The following F13A1 variants were observed in gnomAD, a reference collection of about 807,000 sequenced individuals.
F13A1 encodes the protein coagulation factor XIII A chain.
F13A1 carries 47 observed loss-of-function variants against 80.1 expected under a neutral mutation model. The observed-to-expected ratio is 0.59, with a 90% CI of 0.46 to 0.75. The LOEUF is 0.75. Among genes scored for constraint, F13A1 ranks in the 30% least tolerant of loss-of-function variants. The pLI, the probability that F13A1 is intolerant of heterozygous loss-of-function variation, is 0.00. For synonymous variants in F13A1, 349 were observed against 344.9 expected (o/e 1.01, Z -0.13); for missense variants, 817 against 930.4 (o/e 0.88, Z 1.59).
At position 6,182,065 on chromosome 6, in the gene F13A1, A is replaced by T; in HGVS notation, c.1382T>A (p.Ile461Asn). 1.2e-6 allele frequency: 2 copies of T among 1,614,162 alleles called. No individual in the cohort carries two copies. The highest frequency in any genetic ancestry group is 1.7e-6 in the Non-Finnish European group (2 of 1,180,006). ...TTGTTTGGTCACAATTAATTTCCCA[A>T]TGTGGGTGGCATCCACATTTTCCAC... ...HVVENVDATH[I>N]GKLIVTKQIG... Residue 461 changes from isoleucine to asparagine, a missense_variant, in exon 11 of 15, where the codon ATT (isoleucine) becomes AAT (asparagine). By Grantham distance (149) the Ile-to-Asn change is moderately radical. Transcript: ENST00000264870.
intron 6 of F13A1, among the ~76,000 whole-genome samples, chr6:6,242,625 T>A (rs1369337544): frequency 6.6e-6 from 1 of 152,204 alleles, no homozygotes; most frequent in Non-Finnish European, 1.5e-5. Context: ...ACTGTAAATG[T>A]TGAGATCCTA....
At chr6:6,219,786 C>G (rs1757164767) in intron 8 of F13A1, among the ~76,000 whole-genome samples, 1 of 152,188 alleles carries the variant, frequency 6.6e-6, no homozygotes, top group South Asian at 2.1e-4. Flanking sequence ...CCCAAAGTAA[C>G]AGAAATAGCA....
intron 3 of F13A1, among the ~76,000 whole-genome samples, chr6:6,276,446 G>A (rs1020274469): frequency 1.3e-5 from 2 of 152,168 alleles, no homozygotes; most frequent in African/African-American, 4.8e-5. Context: ...TCACCATGTC[G>A]TTTGTTTGGC....
intron 3 of F13A1, among the ~76,000 whole-genome samples, chr6:6,302,560 C>A (rs1240133136): frequency 2.0e-5 from 3 of 152,080 alleles, no homozygotes; most frequent in African/African-American, 7.2e-5. Flanking sequence ...AAATGGTACA[C>A]CTGCATAGGA....
At chr6:6,265,141 A>G (rs1400616661) in intron 4 of F13A1, among the ~76,000 whole-genome samples, 1 of 152,246 alleles carries the variant, frequency 6.6e-6, no homozygotes, top group Non-Finnish European at 1.5e-5. Flanking sequence ...AAAGATCAGT[A>G]GGACCAAGGT....
chr6:6,273,615 CATG>C (rs1449064994), intron 3 of F13A1, among the ~76,000 whole-genome samples: 1 of 152,188 alleles, frequency 6.6e-6, no homozygotes, highest in Admixed American at 6.5e-5. Context: ...AGGTAAATTT[CATG>C]ATGTTAATTC....
chr6:6,206,135 C>A (rs1761484804), intron 8 of F13A1, among the ~76,000 whole-genome samples: 1 of 152,254 alleles, frequency 6.6e-6, no homozygotes, highest in South Asian at 2.1e-4. Flanking sequence ...AGAATTCCAA[C>A]CAATAGACCC....
intron 10 of F13A1, among the ~76,000 whole-genome samples, chr6:6,182,754 G>A (rs1042763273): frequency 4.6e-5 from 7 of 152,068 alleles, no homozygotes; most frequent in Non-Finnish European, 7.4e-5. Context: ...GGGGATTTGG[G>A]GGCCTTAATG....
At chr6:6,262,809 C>T (rs1306681128) in intron 4 of F13A1, among the ~76,000 whole-genome samples, 2 of 152,132 alleles carry the variant, frequency 1.3e-5, no homozygotes, top group Non-Finnish European at 2.9e-5. Flanking sequence ...ACTCCTGTCT[C>T]TGGAGAGAGT....
intron 13 of F13A1, among the ~76,000 whole-genome samples, chr6:6,152,507 G>A (rs1404092922): frequency 6.6e-6 from 1 of 152,152 alleles, no homozygotes; most frequent in Admixed American, 6.5e-5. Flanking sequence ...CCAGAGTCCA[G>A]GAAAATAAAA....
At chr6:6,231,799 A>G (rs13218029) in intron 6 of F13A1, among the ~76,000 whole-genome samples, 49,317 of 152,066 alleles carry the variant, frequency 0.32, 9,216 homozygotes, top group Non-Finnish European at 0.4. Context: ...AACAATTATC[A>G]GCCAAGAATT....
At chr6:6,226,401 C>T (rs1757276385) in intron 6 of F13A1, among the ~76,000 whole-genome samples, 1 of 151,956 alleles carries the variant, frequency 6.6e-6, no homozygotes, top group Admixed American at 6.5e-5. Context: ...GATTTGTGTG[C>T]ACATTCGTTT....
intron 10 of F13A1, 104 bp from the exon 11 acceptor site, chr6:6,182,245 T>C: frequency 8.0e-7 from 1 of 1,248,906 alleles, no homozygotes; most frequent in Non-Finnish European, 1.2e-6. Flanking sequence ...GGAGCTGACA[T>C]GCCCCTTTCT....
At chr6:6,221,458 T>C (rs1264270875) in intron 8 of F13A1, among the ~76,000 whole-genome samples, 1 of 152,204 alleles carries the variant, frequency 6.6e-6, no homozygotes, top group Admixed American at 6.5e-5. Context: ...GCTGAAGTCA[T>C]TTAAAAGGTT....
intron 3 of F13A1, among the ~76,000 whole-genome samples, chr6:6,290,902 G>A (rs368697890): frequency 2.6e-5 from 4 of 152,288 alleles, no homozygotes; most frequent in South Asian, 2.1e-4. Flanking sequence ...TTATCTACAC[G>A]TTACAAGCTG....
Position 6,167,459 on chromosome 6 carries a change from T to G in F13A1, c.1907A>C (p.Lys636Thr). 1 of 1,613,822 alleles carries G rather than the reference T, an allele frequency of 6.2e-7. No individual in the cohort carries two copies. The highest frequency in any genetic ancestry group is 8.5e-7 in the Non-Finnish European group (1 of 1,179,974). ...TVLTIPEIII[K>T]VRGTQVVGSD... ...CCAGGATGAGACGCTAAGACTGACCTTGATGATGATCTCAGGGATGGTTAG... is the reference window on the plus strand; with the variant it reads ...CCAGGATGAGACGCTAAGACTGACCGTGATGATGATCTCAGGGATGGTTAG... Residue 636 changes from lysine (K) to threonine (T), a missense_variant and splice_region_variant, in exon 13 of 15, where the codon AAG (lysine) becomes ACG (threonine). Lys to Thr is a moderately conservative substitution (Grantham distance 78). Transcript: ENST00000264870.
At chr6:6,304,972 T>C in intron 3 of F13A1, 1 of 346,008 alleles carries the variant, frequency 2.9e-6, no homozygotes. Flanking sequence ...AGAATCAACT[T>C]TCGGAATGCA....
chr6:6,272,412 A>C (rs1757933532), intron 3 of F13A1, among the ~76,000 whole-genome samples: 1 of 152,150 alleles, frequency 6.6e-6, no homozygotes, highest in African/African-American at 2.4e-5. Flanking sequence ...GAGGGTTGGT[A>C]TCAGTGACTG....
At position 6,248,433 on chromosome 6, in the gene F13A1, G is replaced by C. The variant is rs892532551; in HGVS notation, c.691-14C>G. The C allele has an allele frequency of 3.7e-6, 6 of 1,606,146 alleles. No individual in the cohort carries two copies. Among genetic ancestry groups the C allele is most frequent in the Non-Finnish European group, 5.1e-6 (6 of 1,174,514 alleles). ...GCCATCTTCAAACTATTTGGAGAAA[G>C]AAAAACAAAGAGAAACTAGTGTTCA... is the stretch of plus-strand genomic sequence containing the variant. On this transcript the variant is annotated splice_polypyrimidine_tract_variant and intron_variant, in intron 5 of 14. Coordinates refer to ENST00000264870, the MANE Select transcript of F13A1 (RefSeq NM_000129.4).
Sources: gnomAD v4.1 joint callset for allele counts (sites outside exome capture counted in the v4.1 genomes callset) on GRCh38, gnomAD v4.1.1 for gene constraint, MANE v1.5 for transcripts, NCBI Gene and HGNC (gene_info 2026-07-23, HGNC 2026-07-21) for gene names.